Variants in CFAP54 observed in about 807,000 individuals in gnomAD.
CFAP54 encodes cilia and flagella associated protein 54, also known as cilia- and flagella-associated protein 54.
A neutral mutation model predicts 370.4 loss-of-function variants in CFAP54; 290 were observed. The observed-to-expected ratio is 0.78, with a 90% CI of 0.71 to 0.86. The LOEUF is 0.86. Among genes scored for constraint, CFAP54 ranks in the 40% least tolerant of loss-of-function variants. The pLI is 0.00. For synonymous variants in CFAP54, 1,206 were observed against 1,236.5 expected (o/e 0.98, Z 0.52); for missense variants, 3,399 against 3,528.7 (o/e 0.96, Z 0.93).
At chr12:96,845,912 T>TAC (rs771375003) in intron 66 of CFAP54, among the ~76,000 whole-genome samples, 17 of 152,192 alleles carry the variant, frequency 1.1e-4, no homozygotes, top group Non-Finnish European at 2.5e-4. Context: ...AGGAGAAACA[T>TAC]ACACGTGTCA....
At position 96,672,047 on chromosome 12, in the gene CFAP54, C is replaced by T. The variant is rs547472340; in HGVS notation, c.5564-7553C>T. Reference sequence around the variant, plus strand: ...AATTGCTTTTCAAGTAACTTAGCACCGTCAGGAACTGGCAGGAAATGTAGA... The same window carrying T: ...AATTGCTTTTCAAGTAACTTAGCACTGTCAGGAACTGGCAGGAAATGTAGA... On this transcript the variant is annotated intron_variant, in intron 39 of 67. Transcript: ENST00000524981. Among the ~76,000 whole-genome samples, 7 of 151,942 alleles carry T rather than the reference C, an allele frequency of 4.6e-5. 1 individual carries two copies. Among genetic ancestry groups the T allele is most frequent in the African/African-American group, 9.7e-5 (4 of 41,440 alleles).
intron 55 of CFAP54, among the ~76,000 whole-genome samples, chr12:96,750,139 C>G (rs1230391314): frequency 3.9e-5 from 6 of 152,214 alleles, no homozygotes; most frequent in African/African-American, 7.2e-5. Flanking sequence ...AGACCTTGTT[C>G]CAAGCTCTTT....
At chr12:96,763,935 T>G (rs1958366948) in intron 58 of CFAP54, among the ~76,000 whole-genome samples, 1 of 152,254 alleles carries the variant, frequency 6.6e-6, no homozygotes. Flanking sequence ...AGGGAATGTA[T>G]ATGTGTGCAT....
intron 51 of CFAP54, among the ~76,000 whole-genome samples, chr12:96,740,714 T>G (rs551169321): frequency 6.6e-6 from 1 of 152,314 alleles, no homozygotes; most frequent in African/African-American, 2.4e-5. Context: ...CTTACTATAT[T>G]GAAAGCAATA....
chr12:96,560,036 A>C (rs540193707), intron 17 of CFAP54, among the ~76,000 whole-genome samples: 297 of 152,240 alleles, frequency 2.0e-3, no homozygotes, highest in African/African-American at 6.7e-3. Flanking sequence ...GGGTACATGC[A>C]ATATTTTAAC....
intron 32 of CFAP54, among the ~76,000 whole-genome samples, chr12:96,641,699 C>T (rs576023635): frequency 0.015 from 2,305 of 152,166 alleles, 56 homozygotes; most frequent in African/African-American, 0.051. Flanking sequence ...CAATGATAGA[C>T]TGGATTAAGA....
chr12:96,518,311 T>G (rs55937218), intron 5 of CFAP54, among the ~76,000 whole-genome samples: 57,865 of 152,044 alleles, frequency 0.38, 11,426 homozygotes, highest in East Asian at 0.64. Context: ...GGCCAACAAA[T>G]AACAATTGTA....
At chr12:96,612,916 A>T (rs1956374814) in intron 26 of CFAP54, among the ~76,000 whole-genome samples, 1 of 152,198 alleles carries the variant, frequency 6.6e-6, no homozygotes, top group African/African-American at 2.4e-5. Flanking sequence ...CCACATAATA[A>T]TAATGGGAGA....
intron 20 of CFAP54, among the ~76,000 whole-genome samples, chr12:96,577,442 C>T (rs1261798351): frequency 6.6e-6 from 1 of 152,174 alleles, no homozygotes. Flanking sequence ...TGATCAACAA[C>T]ATGCTCTTTG....
At chr12:96,541,959 C>T (rs1015651510) in intron 14 of CFAP54, among the ~76,000 whole-genome samples, 2 of 151,792 alleles carry the variant, frequency 1.3e-5, no homozygotes, top group East Asian at 3.9e-4. Context: ...CAGGAGATGT[C>T]TTCTCTCAAA....
At chr12:96,642,495 T>G (rs1272847834) in intron 32 of CFAP54, among the ~76,000 whole-genome samples, 2 of 152,130 alleles carry the variant, frequency 1.3e-5, no homozygotes, top group African/African-American at 4.8e-5. Flanking sequence ...TCTCTGTATC[T>G]CTCTATCTCT....
At chr12:96,684,971 A>G (rs7306382) in intron 41 of CFAP54, 58 bp from the exon 42 acceptor site, 379,484 of 1,525,154 alleles carry the variant, frequency 0.25, 48,195 homozygotes, top group South Asian at 0.29. Context: ...CTTCTGGAAG[A>G]TAGATTTAAT....
At chr12:96,863,923 G>A (rs540403101) in intron 67 of CFAP54, among the ~76,000 whole-genome samples, 51 of 152,032 alleles carry the variant, frequency 3.4e-4, no homozygotes, top group Middle Eastern at 3.4e-3. Context: ...CAGTTTCCCC[G>A]TTTTAAACCA....
intron 55 of CFAP54, among the ~76,000 whole-genome samples, chr12:96,744,568 A>G (rs1958090188): frequency 6.6e-6 from 1 of 152,248 alleles, no homozygotes; most frequent in Admixed American, 6.5e-5. Flanking sequence ...TAACTGTTAA[A>G]GAAGATTTTG....
chr12:96,679,583 C>A lies in CFAP54; in HGVS notation c.5564-17C>A, dbSNP rs745968213. ...GCAGCATTTCATCCCCAATATTCCG[C>A]TTTTCTTTCCTTTCAGAATACAGCC... is the stretch of plus-strand genomic sequence containing the variant. On this transcript the variant is annotated splice_polypyrimidine_tract_variant and intron_variant, in intron 39 of 67. Transcript: ENST00000524981. The A allele has an allele frequency of 6.2e-7, 1 of 1,603,254 alleles. No homozygotes were observed. Among genetic ancestry groups the A allele is most frequent in the Non-Finnish European group, 8.5e-7 (1 of 1,174,832 alleles).
chr12:96,792,004 C>T (rs1958703277), intron 62 of CFAP54, among the ~76,000 whole-genome samples: 1 of 152,110 alleles, frequency 6.6e-6, no homozygotes, highest in Non-Finnish European at 1.5e-5. Context: ...CGCACGCCAC[C>T]ATGCCCGGCT....
At chr12:96,688,725 A>C (rs1957354683) in intron 42 of CFAP54, among the ~76,000 whole-genome samples, 191 bp from the exon 43 acceptor site, 1 of 152,162 alleles carries the variant, frequency 6.6e-6, no homozygotes, top group Non-Finnish European at 1.5e-5. Context: ...ACTAGTAATC[A>C]TATTTAGGCA....
intron 63 of CFAP54, among the ~76,000 whole-genome samples, chr12:96,795,283 C>T (rs1191160648): frequency 6.6e-6 from 1 of 152,040 alleles, no homozygotes; most frequent in Non-Finnish European, 1.5e-5. Context: ...CACAAGGTTG[C>T]CCTAGGGTTG....
intron 60 of CFAP54, among the ~76,000 whole-genome samples, chr12:96,773,310 C>G (rs1417505769): frequency 1.3e-5 from 2 of 152,200 alleles, no homozygotes; most frequent in African/African-American, 4.8e-5. Context: ...GGCTTAAAAA[C>G]CACACTTCTT....
Sources: allele counts gnomAD v4.1 joint callset (sites outside exome capture counted in the v4.1 genomes callset), GRCh38; gene constraint gnomAD v4.1.1; transcripts MANE v1.5; gene names NCBI Gene and HGNC (gene_info 2026-07-23, HGNC 2026-07-21).